Variants in ARID1B observed in about 807,000 individuals in gnomAD.
ARID1B encodes the protein AT-rich interactive domain-containing protein 1B.
In ARID1B, 30 loss-of-function variants were observed where a neutral mutation model predicts 212.3. The observed-to-expected ratio is 0.14, with a 90% CI of 0.11 to 0.19. The LOEUF is 0.19. Among genes scored for constraint, ARID1B ranks in the 10% least tolerant of loss-of-function variants. The pLI is 1.00. For missense variants in ARID1B, 2,891 were observed against 3,204.0 expected (o/e 0.90, Z 2.36); for synonymous variants, 1,402 against 1,301.7 (o/e 1.08, Z -1.66).
At chr6:156,902,735 C>CAAAAA (rs869259426) in intron 3 of ARID1B, among the ~76,000 whole-genome samples, 12 of 61,682 alleles carry the variant, frequency 1.9e-4, no homozygotes, top group African/African-American at 5.2e-4. Context: ...GACTCTGTCT[C>CAAAAA]AAAAAAAAAA....
intron 4 of ARID1B, among the ~76,000 whole-genome samples, chr6:156,981,883 C>G (rs574035888): frequency 2.0e-5 from 3 of 152,102 alleles, no homozygotes; most frequent in Non-Finnish European, 4.4e-5. Context: ...AGTCTTCATG[C>G]GGTCATACCT....
intron 4 of ARID1B, among the ~76,000 whole-genome samples, chr6:157,053,978 A>G (rs1050252732): frequency 6.6e-6 from 1 of 152,146 alleles, no homozygotes; most frequent in African/African-American, 2.4e-5. Flanking sequence ...TAATCCCAGC[A>G]CTTTGGGAGG....
chr6:156,975,619 T>TC (rs1777182526), intron 4 of ARID1B, among the ~76,000 whole-genome samples: 1 of 149,752 alleles, frequency 6.7e-6, no homozygotes. Context: ...TTTTCTTTTT[T>TC]TTTTTTTTTT....
chr6:157,020,177 TTAA>T (rs1780137444), intron 4 of ARID1B, among the ~76,000 whole-genome samples: 1 of 152,214 alleles, frequency 6.6e-6, no homozygotes, highest in Admixed American at 6.5e-5. Context: ...TTTAAGAAAA[TTAA>T]TAATATTTAG....
chr6:156,914,363 C>T (rs544010197), intron 3 of ARID1B, among the ~76,000 whole-genome samples: 2 of 152,366 alleles, frequency 1.3e-5, no homozygotes, highest in Admixed American at 6.5e-5. Context: ...TTCCATCCTT[C>T]GCCTGTCATT....
At chr6:157,105,620 G>T (rs1484305509) in intron 5 of ARID1B, among the ~76,000 whole-genome samples, 1 of 151,814 alleles carries the variant, frequency 6.6e-6, no homozygotes, top group Non-Finnish European at 1.5e-5. Context: ...AATTTTTTTT[G>T]AGATGGAGTC....
chr6:157,091,073 G>A (rs919776748), intron 5 of ARID1B, among the ~76,000 whole-genome samples: 1 of 152,152 alleles, frequency 6.6e-6, no homozygotes. Flanking sequence ...CTTTGAAAAG[G>A]ATCACAGGTG....
rs587779743 is a variant in ARID1B, at chr6:156,778,268, CCAGCAGCAGCAGCAGCAG to C, written c.594_611del (p.Gln209_Gln214del). ...CACTACAGCAGCAGCTAAACCAGTT[CCAGCAGCAGCAGCAGCAG>C]CAGCAACAGCAGCAGCAGCAGCAGC... On this transcript the variant is annotated inframe_deletion, in exon 1 of 20. Coordinates refer to ENST00000636930, the MANE Select transcript of ARID1B (RefSeq NM_001374828.1). 27 of 1,536,712 alleles carry C rather than the reference CCAGCAGCAGCAGCAGCAG, an allele frequency of 1.8e-5. No individual in the cohort carries two copies. Among genetic ancestry groups the C allele is most frequent in the African/African-American group, 4.1e-5 (3 of 72,544 alleles).
chr6:157,206,652 G>C lies in ARID1B; in HGVS notation c.5880G>C (p.Lys1960Asn). The C allele has an allele frequency of 6.2e-7, 1 of 1,613,830 alleles. No homozygotes were observed. The highest frequency in any genetic ancestry group is 2.2e-5 in the East Asian group (1 of 44,874). The change falls in exon 20 of 20, where the codon AAG (lysine) becomes AAC (asparagine). Residue 1960 changes from lysine (K) to asparagine (N), a missense_variant. This residue lies in a region of ARID1B where 332 missense variants were observed against 369.2 expected (regional missense o/e 0.90). Coordinates refer to ENST00000636930, the MANE Select transcript of ARID1B (RefSeq NM_001374828.1). The surrounding 1 kb of genome is among the most constrained non-coding windows in gnomAD (Gnocchi z 6.8). ...TEHIQTHFES[K>N]MEIPPRRRPP... ...ACATTCAGACTCACTTTGAGAGCAAGATGGAAATTCCTCCTCGCAGGCGCC... is the reference window on the plus strand; with the variant it reads ...ACATTCAGACTCACTTTGAGAGCAACATGGAAATTCCTCCTCGCAGGCGCC...
At chr6:156,897,341 T>G (rs1262933741) in intron 2 of ARID1B, among the ~76,000 whole-genome samples, 2 of 150,630 alleles carry the variant, frequency 1.3e-5, no homozygotes, top group Admixed American at 6.6e-5. Context: ...TGGAGCGATC[T>G]CAGCTCACTG....
chr6:156,876,432 G>A (rs1458786803), intron 2 of ARID1B, among the ~76,000 whole-genome samples: 1 of 152,090 alleles, frequency 6.6e-6, no homozygotes, highest in Non-Finnish European at 1.5e-5. Flanking sequence ...CCTGGACCAC[G>A]GCCCACTCAG....
chr6:157,117,032 G>C (rs1256989883), intron 6 of ARID1B, among the ~76,000 whole-genome samples: 1 of 152,184 alleles, frequency 6.6e-6, no homozygotes, highest in African/African-American at 2.4e-5. Flanking sequence ...ACAGCTGTTT[G>C]TCAGCAGAAT....
At chr6:157,117,610 C>T (rs1009832172) in intron 6 of ARID1B, among the ~76,000 whole-genome samples, 24 of 152,216 alleles carry the variant, frequency 1.6e-4, no homozygotes, top group Non-Finnish European at 2.9e-4. Flanking sequence ...ACCCCCATGT[C>T]GGCAGCAGGC....
intron 1 of ARID1B, among the ~76,000 whole-genome samples, chr6:156,790,327 G>A (rs1252500850): frequency 2.0e-5 from 3 of 152,214 alleles, no homozygotes; most frequent in Non-Finnish European, 1.5e-5. Flanking sequence ...GTTAAACATT[G>A]TATTAATTGT....
intron 19 of ARID1B, chr6:157,204,290 A>G (rs1226703699): frequency 2.7e-5 from 6 of 219,414 alleles, no homozygotes; most frequent in Non-Finnish European, 1.8e-5. Flanking sequence ...TTCAGAATGA[A>G]TATTAGCTGG....
At chr6:156,905,725 A>G (rs1194066770) in intron 3 of ARID1B, among the ~76,000 whole-genome samples, 1 of 152,086 alleles carries the variant, frequency 6.6e-6, no homozygotes, top group Non-Finnish European at 1.5e-5. Flanking sequence ...TTAGTATCTG[A>G]TGGGGTAGTA....
intron 3 of ARID1B, among the ~76,000 whole-genome samples, chr6:156,905,578 A>G (rs1187296082): frequency 6.6e-6 from 1 of 152,204 alleles, no homozygotes; most frequent in East Asian, 1.9e-4. Flanking sequence ...CATTGCAGCT[A>G]CCTTTCCCTG....
intron 9 of ARID1B, among the ~76,000 whole-genome samples, chr6:157,170,702 C>T (rs999509187): frequency 1.4e-4 from 21 of 152,046 alleles, no homozygotes; most frequent in African/African-American, 4.3e-4. Context: ...GGGGAGGGGG[C>T]GCTGATGGCA....
intron 9 of ARID1B, among the ~76,000 whole-genome samples, chr6:157,171,253 G>C (rs1791699076): frequency 6.6e-6 from 1 of 152,244 alleles, no homozygotes; most frequent in African/African-American, 2.4e-5. Flanking sequence ...GCTGGTGCTT[G>C]AAAAGTATTT....
Sources: gnomAD v4.1 joint callset for allele counts (sites outside exome capture counted in the v4.1 genomes callset) on GRCh38, gnomAD v4.1.1 for gene constraint, gnomAD v4.1.1 regional missense constraint, Gnocchi (gnomAD v3.1) non-coding constraint, MANE v1.5 for transcripts, NCBI Gene and HGNC (gene_info 2026-07-23, HGNC 2026-07-21) for gene names.